Variants in COL25A1 observed in about 807,000 individuals in gnomAD.
COL25A1 encodes collagen type XXV alpha 1 chain, also known as collagen alpha-1(XXV) chain.
A neutral mutation model predicts 128.4 loss-of-function variants in COL25A1; 103 were observed. The observed-to-expected ratio is 0.80, with a 90% CI of 0.68 to 0.94. COL25A1 has a LOEUF of 0.94. Among genes scored for constraint, COL25A1 ranks in the 40% least tolerant of loss-of-function variants. The probability of loss-of-function intolerance (pLI) is 0.00; values close to 1 mark genes in which losing one functional copy is unlikely to be tolerated. For missense variants in COL25A1, 745 were observed against 840.0 expected, an observed-to-expected ratio of 0.89 and a Z score of 1.40; for synonymous variants, 279 against 277.2, an observed-to-expected ratio of 1.01 and a Z score of -0.06.
rs796247766 is a variant in COL25A1 at position 109,260,327 on chromosome 4, T to A, written c.367+40256A>T. 5.4e-4 allele frequency among the ~76,000 whole-genome samples: 82 copies of A among 152,250 alleles called. 1 individual carries two copies. The highest frequency in any genetic ancestry group is 1.6e-3 in the African/African-American group (65 of 41,544). On this transcript the variant is annotated intron_variant, in intron 3 of 37. Transcript: ENST00000399132. ...GGAAAACACTGGGTCAAATTTTTTT[T>A]AAAAATTGGGTACAATGGGGAAGGA...
chr4:109,100,732 T>C (rs922162500), intron 3 of COL25A1, among the ~76,000 whole-genome samples: 2 of 152,174 alleles, frequency 1.3e-5, no homozygotes, highest in African/African-American at 4.8e-5. Flanking sequence ...TACTGTTAAT[T>C]ATGAATTTCC....
chr4:109,161,269 A>G (rs1356419342), intron 3 of COL25A1, among the ~76,000 whole-genome samples: 1 of 152,168 alleles, frequency 6.6e-6, no homozygotes, highest in Non-Finnish European at 1.5e-5. Context: ...CTGGTGGGTA[A>G]AAGTCAAGGA....
At chr4:108,896,547 T>A in intron 16 of COL25A1, 120 bp downstream of exon 16, 1 of 763,428 alleles carries the variant, frequency 1.3e-6, no homozygotes, top group Middle Eastern at 2.3e-4. Context: ...TGGAGAATGA[T>A]CTCTGACCTT....
At chr4:108,846,786 T>C (rs966412391) in intron 27 of COL25A1, among the ~76,000 whole-genome samples, 45 of 152,140 alleles carry the variant, frequency 3.0e-4, no homozygotes, top group Non-Finnish European at 6.0e-4. Context: ...CTTCACAGTG[T>C]TCTTATTTTG....
intron 13 of COL25A1, among the ~76,000 whole-genome samples, chr4:108,909,560 A>T (rs1228592948): frequency 6.6e-6 from 1 of 152,238 alleles, no homozygotes; most frequent in Non-Finnish European, 1.5e-5. Flanking sequence ...TCTGCTAGTT[A>T]ACACTTTTAA....
intron 19 of COL25A1, 66 bp downstream of exon 19, chr4:108,884,112 C>A: frequency 6.7e-7 from 1 of 1,494,086 alleles, no homozygotes; most frequent in Non-Finnish European, 9.3e-7. Flanking sequence ...TCCCTATTTT[C>A]CTCCAATTTG....
At chr4:109,075,556 T>C (rs927521356) in intron 3 of COL25A1, among the ~76,000 whole-genome samples, 3 of 152,138 alleles carry the variant, frequency 2.0e-5, no homozygotes, top group Non-Finnish European at 2.9e-5. Flanking sequence ...TTTTAACCTA[T>C]TAGATCTTCT....
chr4:108,868,200 G>A (rs1383578574), intron 20 of COL25A1, among the ~76,000 whole-genome samples: 3 of 152,176 alleles, frequency 2.0e-5, no homozygotes, highest in Admixed American at 1.3e-4. Flanking sequence ...TGGCCAGGAA[G>A]CTAATAGCAT....
At chr4:108,816,067 G>A (rs1349774953) in intron 37 of COL25A1, among the ~76,000 whole-genome samples, 1 of 152,144 alleles carries the variant, frequency 6.6e-6, no homozygotes, top group African/African-American at 2.4e-5. Flanking sequence ...TATGATAGTG[G>A]AGGGATAGTT....
intron 3 of COL25A1, among the ~76,000 whole-genome samples, chr4:109,122,887 C>G (rs143553086): frequency 6.6e-6 from 1 of 152,090 alleles, no homozygotes; most frequent in East Asian, 1.9e-4. Flanking sequence ...AGAAATAAGC[C>G]AATGCCAAGG....
At chr4:108,872,624 A>G (rs924387337) in intron 19 of COL25A1, among the ~76,000 whole-genome samples, 2 of 152,122 alleles carry the variant, frequency 1.3e-5, no homozygotes, top group Non-Finnish European at 2.9e-5. Context: ...CAACAAACTG[A>G]ATGCAGAAGC....
At chr4:108,967,135 G>A (rs1163470401) in intron 8 of COL25A1, among the ~76,000 whole-genome samples, 1 of 152,118 alleles carries the variant, frequency 6.6e-6, no homozygotes, top group African/African-American at 2.4e-5. Context: ...AATTTTCTAA[G>A]TCTTGGTTTC....
At chr4:108,982,398 T>G (rs1246171104) in intron 6 of COL25A1, among the ~76,000 whole-genome samples, 1 of 152,152 alleles carries the variant, frequency 6.6e-6, no homozygotes, top group Non-Finnish European at 1.5e-5. Flanking sequence ...ATTACTTTTA[T>G]GATTAAAATA....
At chr4:108,819,670 A>T in intron 35 of COL25A1, 1 of 435,352 alleles carries the variant, frequency 2.3e-6, no homozygotes. Context: ...AGGATAACTG[A>T]TAAATGTTTC....
chr4:108,887,316 T>C (rs904297568), intron 18 of COL25A1, among the ~76,000 whole-genome samples: 4 of 152,152 alleles, frequency 2.6e-5, no homozygotes, highest in Admixed American at 2.6e-4. Flanking sequence ...GGTTCTGCAA[T>C]GGAGAGGAAA....
intron 3 of COL25A1, among the ~76,000 whole-genome samples, chr4:109,117,215 G>T (rs1356950124): frequency 6.6e-6 from 1 of 151,864 alleles, no homozygotes; most frequent in Non-Finnish European, 1.5e-5. Context: ...TCAAACTTCA[G>T]AAATCAAATA....
At chr4:109,119,545 C>T (rs973439782) in intron 3 of COL25A1, among the ~76,000 whole-genome samples, 3 of 151,952 alleles carry the variant, frequency 2.0e-5, no homozygotes, top group African/African-American at 7.2e-5. Flanking sequence ...CTATGAACAG[C>T]TCTATGCCCA....
chr4:109,002,126 T>A (rs1425359), intron 6 of COL25A1, among the ~76,000 whole-genome samples: 1 of 152,122 alleles, frequency 6.6e-6, no homozygotes, highest in Non-Finnish European at 1.5e-5. Context: ...TCAATTAGTA[T>A]AACCATCATG....
At chr4:109,207,640 A>G (rs1358480372) in intron 3 of COL25A1, among the ~76,000 whole-genome samples, 1 of 152,208 alleles carries the variant, frequency 6.6e-6, no homozygotes, top group African/African-American at 2.4e-5. Flanking sequence ...AGAAAACAGA[A>G]ATGACAAGTT....
Sources: allele counts gnomAD v4.1 joint callset (sites outside exome capture counted in the v4.1 genomes callset), GRCh38; gene constraint gnomAD v4.1.1; transcripts MANE v1.5; gene names NCBI Gene and HGNC (gene_info 2026-07-23, HGNC 2026-07-21).